The following DGKG variants were observed in gnomAD, a reference collection of about 807,000 sequenced individuals.
The protein encoded by DGKG is DAG kinase gamma.
Under a neutral mutation model 105.3 loss-of-function variants are expected in DGKG, and 78 were observed. That is an observed-to-expected ratio of 0.74 (90% CI 0.62 to 0.89). The LOEUF (loss-of-function observed/expected upper bound fraction) is 0.89, where lower values mean the gene tolerates loss of function less well. Among genes scored for constraint, DGKG ranks in the 40% least tolerant of loss-of-function variants. The pLI is 0.00. For synonymous variants in DGKG, 346 were observed against 367.1 expected, an observed-to-expected ratio of 0.94 and a Z score of 0.66; for missense variants, 958 against 1,020.1, an observed-to-expected ratio of 0.94 and a Z score of 0.83.
chr3:186,330,639 T>C (rs1206634007), intron 1 of DGKG, among the ~76,000 whole-genome samples: 4 of 152,052 alleles, frequency 2.6e-5, no homozygotes, highest in Non-Finnish European at 5.9e-5. Flanking sequence ...GATCTAACAT[T>C]ACAGAGAGGA....
Position 186,295,607 on chromosome 3 carries a change from T to C in DGKG, c.373+1814A>G, listed in dbSNP as rs552214457. Among the ~76,000 whole-genome samples, 6 of 100,900 alleles carry C rather than the reference T, an allele frequency of 5.9e-5. No homozygotes were observed. In the East Asian group the frequency reaches 1.8e-3, roughly 30 times the overall value. 66.2% of individuals were successfully genotyped at this position (100,900 alleles called of 152,430 possible). A position where few individuals can be genotyped will look rare whatever the true frequency, so the allele number is the denominator to read the frequency against. The stretch of plus-strand genomic sequence containing the variant: ...GCTGGAATTCACCTTTGGATATCCA[T>C]AAAGCTTTTCAATAAAATGATAATG... On this transcript the variant is annotated intron_variant, in intron 5 of 24. Coordinates refer to ENST00000265022, the MANE Select transcript of DGKG (RefSeq NM_001346.3).
chr3:186,302,488 A>ATATACACATATG (rs1723988037), intron 3 of DGKG, among the ~76,000 whole-genome samples: 1 of 24,182 alleles, frequency 4.1e-5, no homozygotes, highest in South Asian at 9.6e-4. Flanking sequence ...ATATATATAT[A>ATATACACATATG]TATATATATA....
Position 186,284,037 on chromosome 3 carries a change from G to A in DGKG, c.594+623C>T, listed in dbSNP as rs1164628787. Among the ~76,000 whole-genome samples, 1 of 152,160 alleles carries A rather than the reference G, an allele frequency of 6.6e-6. No homozygotes were observed. The highest frequency in any genetic ancestry group is 1.9e-4 in the East Asian group (1 of 5,192). ...TTCTTCCTTTTACTCCACGAGCCTT[G>A]ATCGATCCTTGCCTGTTCCTGAAGG... On this transcript the variant is annotated intron_variant, in intron 7 of 24. Transcript: ENST00000265022. The surrounding 1 kb of genome is among the most constrained non-coding windows in gnomAD (Gnocchi z 4.0).
intron 24 of DGKG, chr3:186,160,220 G>A (rs1434370190): frequency 1.8e-5 from 18 of 985,278 alleles, no homozygotes; most frequent in Admixed American, 6.1e-5. Flanking sequence ...GTGGGTGTGG[G>A]CATAGGGAGA....
intron 24 of DGKG, chr3:186,158,635 T>A: frequency 1.1e-6 from 1 of 924,992 alleles, no homozygotes. Flanking sequence ...ATTTAATTTC[T>A]TTATGAGTTA....
rs151200663 is a variant in DGKG, at chr3:186,342,713, G to T, written c.-249+19233C>A. 2.6e-4 allele frequency among the ~76,000 whole-genome samples: 39 copies of T among 152,196 alleles called. No individual in the cohort carries two copies. In the East Asian group the frequency reaches 5.6e-3, roughly 22 times the overall value. ...AGACATGATTGTCAATGAGGAGAAGGCTGGCTGTAATAAGTAGCCAAGAAG... is the reference window on the plus strand; with the variant it reads ...AGACATGATTGTCAATGAGGAGAAGTCTGGCTGTAATAAGTAGCCAAGAAG... On this transcript the variant is annotated intron_variant, in intron 1 of 24. Transcript: ENST00000265022.
At position 186,335,238 on chromosome 3, in the gene DGKG, A is replaced by AT. The variant is rs35882256; in HGVS notation, c.-248-14532dup. ...AGGCGCCTACTACTGCACCTGGCTAATTTTTTTTTAATGTTTTTAGTAGAA... is the reference window on the plus strand; with the variant it reads ...AGGCGCCTACTACTGCACCTGGCTAATTTTTTTTTTAATGTTTTTAGTAGAA... On this transcript the variant is annotated intron_variant, in intron 1 of 24. Transcript: ENST00000265022. Among the ~76,000 whole-genome samples the AT allele has an allele frequency of 4.8e-3, 732 of 151,210 alleles. 10 individuals are homozygous for AT. Among genetic ancestry groups the AT allele is most frequent in the African/African-American group, 0.017 (689 of 41,210 alleles).
Position 186,172,215 on chromosome 3 carries a change from C to T in DGKG, c.2096-7197G>A, listed in dbSNP as rs546284295. ...AAGAGGCAGGGGAATCTCTGGGTGT[C>T]CTGATTTGGACTCGCCTTTTGCAAT... On this transcript the variant is annotated intron_variant, in intron 22 of 24. Transcript: ENST00000265022. Among the ~76,000 whole-genome samples the T allele has an allele frequency of 3.2e-4, 49 of 152,294 alleles. 1 individual carries two copies. In the South Asian group the frequency reaches 3.9e-3, roughly 12 times the overall value.
intron 20 of DGKG, among the ~76,000 whole-genome samples, chr3:186,212,776 G>A (rs113795639): frequency 0.015 from 2,358 of 152,240 alleles, 60 homozygotes; most frequent in South Asian, 0.065. Flanking sequence ...ATTATCAGGG[G>A]TTGGCTAAGA....
rs1156348346 is a variant in DGKG at position 186,320,629 on chromosome 3, A to T, written c.-170T>A. The T allele has an allele frequency of 8.3e-6, 9 of 1,085,888 alleles. No homozygotes were observed. Among genetic ancestry groups the T allele is most frequent in the Non-Finnish European group, 1.1e-5 (9 of 783,172 alleles). 67.3% of individuals were successfully genotyped at this position (1,085,888 alleles called of 1,614,324 possible). Reference sequence around the variant, plus strand: ...AGCAGCAGCAGGCACCTCTCAGAAGATGAGACAAGATCTCTGCTATTCCTT... The same window carrying T: ...AGCAGCAGCAGGCACCTCTCAGAAGTTGAGACAAGATCTCTGCTATTCCTT... On this transcript the variant is annotated 5_prime_UTR_variant, in exon 2 of 25. Coordinates refer to ENST00000265022, the MANE Select transcript of DGKG (RefSeq NM_001346.3).
At chr3:186,326,162 C>T (rs999472259) in intron 1 of DGKG, among the ~76,000 whole-genome samples, 3 of 152,082 alleles carry the variant, frequency 2.0e-5, no homozygotes, top group African/African-American at 4.8e-5. Context: ...GAGGCCGAGG[C>T]GGAAGGATCA....
chr3:186,192,818 A>G (rs6770338), intron 21 of DGKG, among the ~76,000 whole-genome samples: 71,577 of 152,104 alleles, frequency 0.47, 20,276 homozygotes, highest in East Asian at 0.74. Context: ...TGGCACATCA[A>G]TGTTGGATAT....
In DGKG at chr3:186,207,845, G is replaced by A. The variant is rs1318002870; in HGVS notation, c.1917+3950C>T. ...ACTCCTTGCATCTAGTTTCCTTAGC[G>A]CTAGGTAAGCAAGCGCCATATTGAA... On this transcript the variant is annotated intron_variant, in intron 21 of 24. Coordinates refer to ENST00000265022, the MANE Select transcript of DGKG (RefSeq NM_001346.3). Among the ~76,000 whole-genome samples, 12 of 152,226 alleles carry A rather than the reference G, an allele frequency of 7.9e-5. No individual in the cohort carries two copies. The East Asian group carries it at 2.3e-3, about 29-fold the overall frequency.
intron 1 of DGKG, among the ~76,000 whole-genome samples, chr3:186,349,977 C>G (rs944090104): frequency 6.6e-6 from 1 of 151,956 alleles, no homozygotes; most frequent in Non-Finnish European, 1.5e-5. Flanking sequence ...CTCTGTCATC[C>G]AGGTTCAAGC....
rs145609733 is a variant in DGKG, at chr3:186,275,664, C to T, written c.793G>A (p.Gly265Ser). 1.1e-4 allele frequency: 173 copies of T among 1,612,694 alleles called. 4 individuals carry two copies. In the South Asian group the frequency reaches 1.3e-3, roughly 12 times the overall value. Residue 265 changes from glycine to serine, a missense_variant and splice_region_variant, in exon 10 of 25, where the codon GGC becomes AGC. Coordinates refer to ENST00000265022, the MANE Select transcript of DGKG (RefSeq NM_001346.3). ...GCGTGCCGCCCATCCCCCTTGGAGC[C>T]CTGCAGGGGTAATAGGAGGTGAGAC... ...LLVLLGMDDS[G>S]SKGDGRHAWT...
chr3:186,328,554 A>G (rs1725452806), intron 1 of DGKG, among the ~76,000 whole-genome samples: 1 of 149,996 alleles, frequency 6.7e-6, no homozygotes, highest in African/African-American at 2.5e-5. Context: ...TTGAATTCAC[A>G]GTGGAAAAGG....
chr3:186,267,527 T>C, intron 13 of DGKG, 158 bp downstream of exon 13: 1 of 615,958 alleles, frequency 1.6e-6, no homozygotes, highest in Non-Finnish European at 2.9e-6. Context: ...CCATGTACTC[T>C]CTAACCTAAA....
chr3:186,288,601 G>A (rs939815541), intron 6 of DGKG, 109 bp downstream of exon 6: 45 of 1,163,618 alleles, frequency 3.9e-5, no homozygotes, highest in Admixed American at 3.7e-4. Context: ...GAGGCGGGAC[G>A]CATATCCGTG....
intron 20 of DGKG, among the ~76,000 whole-genome samples, chr3:186,233,108 G>A (rs980892159): frequency 6.6e-6 from 1 of 152,180 alleles, no homozygotes; most frequent in Non-Finnish European, 1.5e-5. Context: ...TGGCAAAGGG[G>A]CGAAGGGGGA....
Sources: gnomAD v4.1 joint callset for allele counts (sites outside exome capture counted in the v4.1 genomes callset) on GRCh38, gnomAD v4.1.1 for gene constraint, Gnocchi (gnomAD v3.1) non-coding constraint, MANE v1.5 for transcripts, NCBI Gene and HGNC (gene_info 2026-07-23, HGNC 2026-07-21) for gene names.